UBASH3B: variants seen among roughly 807,000 people sequenced by gnomAD.
UBASH3B encodes the protein ubiquitin-associated and SH3 domain-containing protein B.
In UBASH3B, 37 loss-of-function variants were observed where a neutral mutation model predicts 83.4. The ratio of observed to expected loss-of-function variants is 0.44; its 90% CI spans 0.34 to 0.58. The LOEUF is 0.58. Ranked by LOEUF, UBASH3B falls within the 20% of genes least tolerant of loss-of-function variation. The pLI, the probability that UBASH3B is intolerant of heterozygous loss-of-function variation, is 0.01. For synonymous variants in UBASH3B, 304 were observed against 318.3 expected (o/e 0.96, Z 0.48); for missense variants, 657 against 827.2 (o/e 0.79, Z 2.52).
At position 122,811,480 on chromosome 11, in the gene UBASH3B, AG is replaced by A. The variant is rs1861447852; in HGVS notation, c.*1596del. 6.6e-6 allele frequency: 1 copy of A among 152,114 alleles called. No homozygotes were observed. Among genetic ancestry groups the A allele is most frequent in the South Asian group, 2.1e-4 (1 of 4,828 alleles). The allele number at this position is 152,114 out of a possible 1,614,324, so 9.4% of individuals were successfully genotyped here. A position where few individuals can be genotyped will look rare whatever the true frequency, so the allele number is the denominator to read the frequency against. ...CTGGCTATATATGTTAATGAGCAAAAGGATTATAGTTGTTTTGTTTTGTTTT... is the reference window on the plus strand; with the variant it reads ...CTGGCTATATATGTTAATGAGCAAAAGATTATAGTTGTTTTGTTTTGTTTT... On this transcript the variant is annotated 3_prime_UTR_variant, in exon 14 of 14. Coordinates refer to ENST00000284273, the MANE Select transcript of UBASH3B (RefSeq NM_032873.5).
chr11:122,686,050 C>T (rs1863804822), intron 1 of UBASH3B, among the ~76,000 whole-genome samples: 1 of 152,146 alleles, frequency 6.6e-6, no homozygotes, highest in African/African-American at 2.4e-5. Flanking sequence ...TTCTGCAAGA[C>T]CACCAGTCCC....
chr11:122,808,912 C>T (rs1429260805), intron 13 of UBASH3B, among the ~76,000 whole-genome samples: 1 of 151,552 alleles, frequency 6.6e-6, no homozygotes, highest in African/African-American at 2.4e-5. Flanking sequence ...TTTAAAATTG[C>T]TGTGACAACT....
intron 1 of UBASH3B, among the ~76,000 whole-genome samples, chr11:122,693,003 T>G (rs1362326932): frequency 6.6e-6 from 1 of 152,104 alleles, no homozygotes; most frequent in Non-Finnish European, 1.5e-5. Context: ...TTAGAGGTTT[T>G]GGGATGGGCA....
At chr11:122,762,055 G>T (rs1345122394) in intron 1 of UBASH3B, among the ~76,000 whole-genome samples, 1 of 152,018 alleles carries the variant, frequency 6.6e-6, no homozygotes, top group East Asian at 1.9e-4. Context: ...ACCTCCCAAA[G>T]TGTTGGGATT....
intron 1 of UBASH3B, among the ~76,000 whole-genome samples, chr11:122,753,805 T>A (rs538085854): frequency 6.6e-6 from 1 of 152,182 alleles, no homozygotes; most frequent in Non-Finnish European, 1.5e-5. Context: ...AACCCTGAGT[T>A]TCTTAAAAGA....
chr11:122,808,987 C>A (rs536979952), intron 13 of UBASH3B, among the ~76,000 whole-genome samples: 2 of 142,512 alleles, frequency 1.4e-5, no homozygotes, highest in Admixed American at 1.4e-4. Context: ...AAAAAAAAAA[C>A]GGGTGAAACA....
intron 1 of UBASH3B, among the ~76,000 whole-genome samples, chr11:122,669,223 G>A (rs769640118): frequency 6.6e-6 from 1 of 152,170 alleles, no homozygotes; most frequent in Admixed American, 6.5e-5. Context: ...ATAGGCTAAC[G>A]TCAACGCGTC....
At chr11:122,722,808 C>T (rs1248228031) in intron 1 of UBASH3B, among the ~76,000 whole-genome samples, 1 of 151,842 alleles carries the variant, frequency 6.6e-6, no homozygotes, top group Admixed American at 6.6e-5. Context: ...CAGGTGCATG[C>T]CATTCTCCTG....
intron 3 of UBASH3B, among the ~76,000 whole-genome samples, chr11:122,779,113 T>C (rs974311801): frequency 3.3e-5 from 5 of 152,232 alleles, no homozygotes; most frequent in Admixed American, 1.3e-4. Context: ...CTATAGTCAC[T>C]GTGCTGTACA....
At chr11:122,656,856 A>C (rs1863371645) in intron 1 of UBASH3B, among the ~76,000 whole-genome samples, 1 of 152,234 alleles carries the variant, frequency 6.6e-6, no homozygotes, top group Non-Finnish European at 1.5e-5. Context: ...ACGGCAGCTC[A>C]GAAATCTGTG....
At chr11:122,783,322 T>A in intron 5 of UBASH3B, 100 bp downstream of exon 5, 1 of 1,384,762 alleles carries the variant, frequency 7.2e-7, no homozygotes, top group Non-Finnish European at 9.8e-7. Context: ...AGGGGAAAAA[T>A]GGAGCAAGCA....
rs1396581743 is a variant in UBASH3B, at chr11:122,796,270, G to A, written c.1228G>A (p.Ala410Thr). ...GKYWLSQCFD[A>T]KGRYIRTNLN... ...GTACTGGCTGTCCCAGTGCTTCGAT[G>A]CCAAAGGTGAGTTGGTGGTGGGCCT... Residue 410 changes from alanine (A) to threonine (T), a missense_variant, in exon 8 of 14, where the codon GCC becomes ACC. Ala to Thr is a moderately conservative substitution (Grantham distance 58). Around this residue, in one of 3 missense-constraint regions of UBASH3B, gnomAD observed 573 missense variants for 739.0 expected, o/e 0.78. Transcript: ENST00000284273. 1.2e-6 allele frequency: 2 copies of A among 1,614,042 alleles called. No homozygotes were observed. The highest frequency in any genetic ancestry group is 1.7e-6 in the Non-Finnish European group (2 of 1,179,940).
chr11:122,715,444 C>T (rs540826733), intron 1 of UBASH3B, among the ~76,000 whole-genome samples: 2 of 152,310 alleles, frequency 1.3e-5, no homozygotes, highest in East Asian at 1.9e-4. Context: ...GCATATGCTA[C>T]GGCAGAGACA....
At chr11:122,779,862 T>A (rs2135146332) in intron 4 of UBASH3B, among the ~76,000 whole-genome samples, 167 bp downstream of exon 4, 1 of 152,282 alleles carries the variant, frequency 6.6e-6, no homozygotes, top group Non-Finnish European at 1.5e-5. Context: ...GCACCCCACG[T>A]CTTGCTCCCT....
chr11:122,778,614 T>C (rs991914369), intron 3 of UBASH3B, among the ~76,000 whole-genome samples: 5 of 151,422 alleles, frequency 3.3e-5, no homozygotes, highest in African/African-American at 1.2e-4. Flanking sequence ...TTTCTTTTTT[T>C]TTTTTATGGA....
chr11:122,794,907 G>T, intron 7 of UBASH3B, 73 bp downstream of exon 7: 1 of 1,585,580 alleles, frequency 6.3e-7, no homozygotes, highest in Non-Finnish European at 8.5e-7. Context: ...TTAAGCATGA[G>T]GCCTTGCCCT....
intron 2 of UBASH3B, among the ~76,000 whole-genome samples, chr11:122,776,531 T>A (rs1860738034): frequency 6.6e-6 from 1 of 152,186 alleles, no homozygotes; most frequent in Non-Finnish European, 1.5e-5. Flanking sequence ...CCTGCTCCAG[T>A]CACTTAAAGA....
intron 1 of UBASH3B, among the ~76,000 whole-genome samples, chr11:122,690,226 A>C (rs1565530372): frequency 2.0e-4 from 27 of 133,246 alleles, no homozygotes; most frequent in African/African-American, 6.4e-4. Flanking sequence ...ATATATATAT[A>C]TATCCAATTT....
chr11:122,730,661 T>C (rs1860828303), intron 1 of UBASH3B, among the ~76,000 whole-genome samples: 1 of 151,834 alleles, frequency 6.6e-6, no homozygotes, highest in Admixed American at 6.6e-5. Flanking sequence ...AATGGCACGA[T>C]CTCGGCTCAT....
Sources: allele counts gnomAD v4.1 joint callset (sites outside exome capture counted in the v4.1 genomes callset), GRCh38; gene constraint gnomAD v4.1.1; regional missense constraint gnomAD v4.1.1; transcripts MANE v1.5; gene names NCBI Gene and HGNC (gene_info 2026-07-23, HGNC 2026-07-21).